The following CUL4A variants were observed in gnomAD, a reference collection of about 807,000 sequenced individuals.
The protein encoded by CUL4A is cullin 4A.
Under a neutral mutation model 95.5 loss-of-function variants are expected in CUL4A, and 16 were observed. That is an observed-to-expected ratio of 0.17 (90% confidence interval 0.11 to 0.25). The LOEUF is 0.25. Among genes scored for constraint, CUL4A ranks in the 10% least tolerant of loss-of-function variants. The pLI is 1.00. For missense variants in CUL4A, 610 were observed against 937.0 expected (o/e 0.65, Z 4.56); for synonymous variants, 380 against 353.1 (o/e 1.08, Z -0.85).
At position 113,232,179 on chromosome 13, in the gene CUL4A, CATTACTGCTGCCACCACT is replaced by C. The variant is rs1566343597; in HGVS notation, c.513-996_513-979del. On this transcript the variant is annotated intron_variant, in intron 5 of 19. Coordinates refer to ENST00000375440, the MANE Select transcript of CUL4A (RefSeq NM_001008895.4). ...GCTGCCACCACTACCCGCCCACCAC[CATTACTGCTGCCACCACT>C]ACCCGCCCACCACCATTACTGCTGC... is the stretch of plus-strand genomic sequence containing the variant. Among the ~76,000 whole-genome samples, 22 of 9,532 alleles carry C rather than the reference CATTACTGCTGCCACCACT, an allele frequency of 2.3e-3. 1 individual carries two copies. The highest frequency in any genetic ancestry group is 7.5e-3 in the South Asian group (1 of 134). 6.3% of individuals were successfully genotyped at this position (9,532 alleles called of 152,430 possible). A position where few individuals can be genotyped will look rare whatever the true frequency, so the allele number is the denominator to read the frequency against.
chr13:113,209,538 C>T (rs113926957), upstream of CUL4A: 4 of 733,418 alleles, frequency 5.5e-6, no homozygotes, highest in Non-Finnish European at 6.5e-6. Flanking sequence ...GCGAGGAGGA[C>T]GGGGCGGAGG....
At chr13:113,209,024 G>C (rs112906137), upstream of CUL4A, 2 of 595,236 alleles carry the variant, frequency 3.4e-6, no homozygotes, top group Middle Eastern at 9.0e-4. Flanking sequence ...AGGGCCTCGG[G>C]GCGCGCGCGC....
upstream of CUL4A, chr13:113,208,876 C>T: frequency 2.1e-6 from 3 of 1,397,128 alleles, no homozygotes; most frequent in Non-Finnish European, 1.8e-6. Flanking sequence ...ATTGTGTGTT[C>T]GGGCCCGCCC....
upstream of CUL4A, chr13:113,208,809 G>A (rs1055003747): frequency 7.1e-6 from 10 of 1,411,866 alleles, no homozygotes; most frequent in South Asian, 4.6e-5. Flanking sequence ...GGGCTGAGGG[G>A]GCCCGGGGTC....
At chr13:113,232,075 T>TACCTGCCCACCACCATTACTGTCACCACC (rs2041344807) in intron 5 of CUL4A, among the ~76,000 whole-genome samples, 1 of 72,528 alleles carries the variant, frequency 1.4e-5, no homozygotes, top group Non-Finnish European at 3.6e-5. Flanking sequence ...CTGTCACCAC[T>TACCTGCCCACCACCATTACTGTCACCACC]ACCCGCCCAC....
At chr13:113,220,795 C>T (rs184182358) in intron 3 of CUL4A, among the ~76,000 whole-genome samples, 5 of 152,260 alleles carry the variant, frequency 3.3e-5, no homozygotes, top group African/African-American at 9.6e-5. Flanking sequence ...GCACTGGCAC[C>T]GCAAAATGGA....
At position 113,245,945 on chromosome 13, in the gene CUL4A, C is replaced by T. The variant is rs1404158102; in HGVS notation, c.1531-11C>T. The stretch of plus-strand genomic sequence containing the variant: ...TTCTCAAAATGATTGTCTTGGATTT[C>T]TCTGTTTTAGCATATGCAGAATCAG... On this transcript the variant is annotated splice_polypyrimidine_tract_variant and intron_variant, in intron 14 of 19. Transcript: ENST00000375440. 1.9e-6 allele frequency: 3 copies of T among 1,575,522 alleles called. No homozygotes were observed. The highest frequency in any genetic ancestry group is 1.8e-5 in the Admixed American group (1 of 56,918).
rs2041558966 is a variant in CUL4A, at chr13:113,236,760, T to C, written c.849-63T>C. On this transcript the variant is annotated intron_variant, in intron 8 of 19. Coordinates refer to ENST00000375440, the MANE Select transcript of CUL4A (RefSeq NM_001008895.4). ...GTCATAGACAAATGCCCCCATCTTT[T>C]GCAGAGAACCAGTCTCTTCTTTAAA... The C allele has an allele frequency of 6.3e-6, 7 of 1,113,804 alleles. No homozygotes were observed. In the South Asian group the frequency reaches 8.1e-5, roughly 13 times the overall value. 69.0% of individuals were successfully genotyped at this position (1,113,804 alleles called of 1,614,324 possible). A position where few individuals can be genotyped will look rare whatever the true frequency, so the allele number is the denominator to read the frequency against.
chr13:113,260,999 A>G (rs1423303825), intron 19 of CUL4A, among the ~76,000 whole-genome samples: 2 of 152,162 alleles, frequency 1.3e-5, no homozygotes, highest in Non-Finnish European at 2.9e-5. Flanking sequence ...GCTTGTTCAT[A>G]TTTTCAGGAA....
chr13:113,254,921 C>A, intron 17 of CUL4A, 32 bp from the exon 18 acceptor site: 1 of 1,607,530 alleles, frequency 6.2e-7, no homozygotes, highest in Non-Finnish European at 8.5e-7. Flanking sequence ...TCGTTTAACG[C>A]CAGCCTTTGC....
rs752942300 is a variant in CUL4A, at chr13:113,242,994, T to G, written c.1062T>G (p.Asn354Lys). 1.2e-6 allele frequency: 2 copies of G among 1,611,244 alleles called. No homozygotes were observed. The highest frequency in any genetic ancestry group is 2.2e-5 in the South Asian group (2 of 90,900). Residue 354 changes from asparagine (N) to lysine (K), a missense_variant, in exon 11 of 20, where the codon AAT becomes AAG. Transcript: ENST00000375440. ...CTTTTGGAACAGCGATCGTAATCAATCCTGAGAAAGACAAAGACATGGTCC... is the reference window on the plus strand; with the variant it reads ...CTTTTGGAACAGCGATCGTAATCAAGCCTGAGAAAGACAAAGACATGGTCC... ...IKTFGTAIVI[N>K]PEKDKDMVQD...
At chr13:113,246,092 TC>T in intron 15 of CUL4A, 29 bp downstream of exon 15, 1 of 1,533,800 alleles carries the variant, frequency 6.5e-7, no homozygotes, top group Non-Finnish European at 9.0e-7. Context: ...TGCTGTCCGC[TC>T]CCGCTGTCAT....
At chr13:113,213,397 C>T (rs533332072) in intron 2 of CUL4A, among the ~76,000 whole-genome samples, 9 of 152,208 alleles carry the variant, frequency 5.9e-5, no homozygotes, top group Admixed American at 2.0e-4. Flanking sequence ...CTCAGTGCTT[C>T]GAAAACTGTT....
intron 15 of CUL4A, among the ~76,000 whole-genome samples, chr13:113,249,165 G>A (rs1290907935): frequency 6.6e-6 from 1 of 152,172 alleles, no homozygotes; most frequent in Non-Finnish European, 1.5e-5. Flanking sequence ...GAGCTTTTGT[G>A]TCTGGCTTCT....
intron 19 of CUL4A, 41 bp downstream of exon 19, chr13:113,260,800 TA>T (rs764073856): frequency 1.1e-4 from 157 of 1,408,432 alleles, no homozygotes; most frequent in Middle Eastern, 5.0e-4. Context: ...TAGTATTTGC[TA>T]AACAATTGAC....
intron 3 of CUL4A, chr13:113,219,321 A>G: frequency 3.2e-6 from 1 of 313,238 alleles, no homozygotes; most frequent in Non-Finnish European, 5.9e-6. Context: ...CTTTATTCTA[A>G]TAAACACCAT....
chr13:113,249,772 T>C (rs1206289737), intron 15 of CUL4A, among the ~76,000 whole-genome samples: 1 of 152,214 alleles, frequency 6.6e-6, no homozygotes, highest in Non-Finnish European at 1.5e-5. Flanking sequence ...ATCTGCCTCT[T>C]TCGTTGTAGC....
chr13:113,253,060 G>T (rs755125486), intron 15 of CUL4A, 22 bp from the exon 16 acceptor site: 1 of 1,289,160 alleles, frequency 7.8e-7, no homozygotes, highest in Non-Finnish European at 1.1e-6. Context: ...GCATAATTTT[G>T]TTGTTCTCCT....
chr13:113,227,349 T>C (rs937682399), intron 3 of CUL4A, among the ~76,000 whole-genome samples: 1 of 152,154 alleles, frequency 6.6e-6, no homozygotes, highest in African/African-American at 2.4e-5. Context: ...GCCAGCACCT[T>C]CTCACTGCAT....
Sources: allele counts gnomAD v4.1 joint callset (sites outside exome capture counted in the v4.1 genomes callset), GRCh38; gene constraint gnomAD v4.1.1; transcripts MANE v1.5; gene names NCBI Gene and HGNC (gene_info 2026-07-23, HGNC 2026-07-21).